Variants in TYW1 observed in about 807,000 individuals in gnomAD.
The protein encoded by TYW1 is S-adenosyl-L-methionine-dependent tRNA 4-demethylwyosine synthase TYW1.
TYW1 carries 46 observed loss-of-function variants against 96.2 expected under a neutral mutation model. The ratio of observed to expected loss-of-function variants is 0.48; its 90% CI spans 0.38 to 0.61. The LOEUF (loss-of-function observed/expected upper bound fraction) is 0.61, where lower values mean the gene tolerates loss of function less well. Ranked by LOEUF, TYW1 falls within the 20% of genes least tolerant of loss-of-function variation. The pLI is 0.00. For synonymous variants in TYW1, 274 were observed against 323.0 expected, an observed-to-expected ratio of 0.85 and a Z score of 1.63; for missense variants, 684 against 909.6, an observed-to-expected ratio of 0.75 and a Z score of 3.19.
chr7:67,149,429 A>G (rs1169400015), intron 13 of TYW1, among the ~76,000 whole-genome samples: 2 of 152,242 alleles, frequency 1.3e-5, no homozygotes, highest in East Asian at 3.8e-4. Flanking sequence ...AGAAACTCAT[A>G]TACATGGCAA....
intron 3 of TYW1, among the ~76,000 whole-genome samples, chr7:67,004,772 T>C (rs1793512249): frequency 1.3e-5 from 2 of 152,214 alleles, no homozygotes; most frequent in South Asian, 4.1e-4. Flanking sequence ...GTTTTCTTTT[T>C]TGAGACAGAG....
intron 15 of TYW1, among the ~76,000 whole-genome samples, chr7:67,235,741 A>C (rs538900661): frequency 6.6e-6 from 1 of 152,148 alleles, no homozygotes; most frequent in South Asian, 2.1e-4. Flanking sequence ...AATACAAAAA[A>C]AAATTAGCCA....
intron 10 of TYW1, among the ~76,000 whole-genome samples, chr7:67,078,330 T>C (rs879792808): frequency 1.3e-5 from 2 of 151,920 alleles, no homozygotes; most frequent in Non-Finnish European, 2.9e-5. Flanking sequence ...CTCCTGACTT[T>C]GTGATCCTCC....
intron 10 of TYW1, among the ~76,000 whole-genome samples, chr7:67,067,799 T>A (rs1004330306): frequency 6.6e-6 from 1 of 152,152 alleles, no homozygotes; most frequent in Non-Finnish European, 1.5e-5. Context: ...TATGCTAAGG[T>A]GTCAGCTTGG....
chr7:67,163,588 G>A (rs1371936776), intron 13 of TYW1, among the ~76,000 whole-genome samples: 1 of 151,992 alleles, frequency 6.6e-6, no homozygotes, highest in African/African-American at 2.4e-5. Context: ...CAGTTGATGT[G>A]CATGATCTTC....
Position 66,998,891 on chromosome 7 carries a change from A to G in TYW1, c.210A>G (p.Gln70=). Residue 70 remains glutamine (Q), a synonymous_variant, in exon 3 of 16, where the codon CAA becomes CAG. Transcript: ENST00000359626. ...TGACAAATGGTTATGTCTCCCTTCA[A>G]GAGAAAGACATCTTTGTGTCTGGAG... The part of the protein sequence containing the change: ...DLMTNGYVSL[Q]EKDIFVSGVK... The G allele has an allele frequency of 1.2e-6, 2 of 1,614,098 alleles. No homozygotes were observed. Among genetic ancestry groups the G allele is most frequent in the Non-Finnish European group, 8.5e-7 (1 of 1,179,942 alleles).
At chr7:67,100,684 AAAATAC>A (rs1337100309) in intron 12 of TYW1, among the ~76,000 whole-genome samples, 1 of 151,860 alleles carries the variant, frequency 6.6e-6, no homozygotes. Flanking sequence ...GTCTCTACTA[AAAATAC>A]AAATACAAAT....
Position 66,998,745 on chromosome 7 carries a change from T to G in TYW1, c.136-72T>G, listed in dbSNP as rs577921015. ...AAATAAAATGTGTCAGTATCTGTGC[T>G]AATTTTCATCCCTGCTGAAGTTGGG... On this transcript the variant is annotated intron_variant, in intron 2 of 15. Coordinates refer to ENST00000359626, the MANE Select transcript of TYW1 (RefSeq NM_018264.4). The G allele has an allele frequency of 5.2e-6, 8 of 1,548,532 alleles. No homozygotes were observed. The African/African-American group carries it at 9.7e-5, about 19-fold the overall frequency.
intron 13 of TYW1, among the ~76,000 whole-genome samples, chr7:67,169,509 T>G (rs1002963571): frequency 9.2e-5 from 14 of 152,184 alleles, no homozygotes; most frequent in African/African-American, 3.4e-4. Context: ...CAAGTGATTC[T>G]CCTGCCTCAA....
chr7:67,113,788 C>T, intron 12 of TYW1, among the ~76,000 whole-genome samples: 1 of 151,974 alleles, frequency 6.6e-6, no homozygotes, highest in East Asian at 1.9e-4. Flanking sequence ...CAGGCGTGCG[C>T]CACCATGCCT....
At chr7:67,049,374 T>C (rs1161074387) in intron 7 of TYW1, among the ~76,000 whole-genome samples, 1 of 152,128 alleles carries the variant, frequency 6.6e-6, no homozygotes, top group Non-Finnish European at 1.5e-5. Flanking sequence ...AAGTGAATTG[T>C]AGATTTATGG....
intron 7 of TYW1, among the ~76,000 whole-genome samples, chr7:67,032,692 T>G (rs1343784862): frequency 6.6e-6 from 1 of 151,968 alleles, no homozygotes; most frequent in Non-Finnish European, 1.5e-5. Context: ...GTGCTCACTC[T>G]CCTAGTCATG....
At chr7:67,154,033 T>C (rs2116182179) in intron 13 of TYW1, among the ~76,000 whole-genome samples, 1 of 150,236 alleles carries the variant, frequency 6.7e-6, no homozygotes, top group South Asian at 2.1e-4. Context: ...GTTCACACCA[T>C]TCTCAGCCTC....
chr7:67,123,672 G>A (rs1797828453), intron 13 of TYW1, among the ~76,000 whole-genome samples: 1 of 152,170 alleles, frequency 6.6e-6, no homozygotes, highest in South Asian at 2.1e-4. Flanking sequence ...GACCCAAGAA[G>A]TGCCTAAAGA....
chr7:67,010,072 T>C (rs1269913533), intron 4 of TYW1, among the ~76,000 whole-genome samples: 1 of 151,586 alleles, frequency 6.6e-6, no homozygotes, highest in Non-Finnish European at 1.5e-5. Context: ...AATGTCCGTC[T>C]CCAGGTTCAA....
rs139913871 is a variant in TYW1 at position 67,202,890 on chromosome 7, C to T, written c.1977+7553C>T. On this transcript the variant is annotated intron_variant, in intron 15 of 15. Coordinates refer to ENST00000359626, the MANE Select transcript of TYW1 (RefSeq NM_018264.4). ...ATGGTACAGAAAGGTCTCAGGTACCCTTCATGTAGTTTTCCCCAGTGATAA... is the reference window on the plus strand; with the variant it reads ...ATGGTACAGAAAGGTCTCAGGTACCTTTCATGTAGTTTTCCCCAGTGATAA... Among the ~76,000 whole-genome samples, 328 of 152,264 alleles carry T rather than the reference C, an allele frequency of 2.2e-3. 1 individual carries two copies. The highest frequency in any genetic ancestry group is 7.1e-3 in the African/African-American group (297 of 41,554).
Position 67,238,411 on chromosome 7 carries a change from A to G in TYW1, c.2081A>G (p.Lys694Arg), listed in dbSNP as rs1377687820. The change falls in exon 16 of 16, where the codon AAG becomes AGG. Residue 694 changes from lysine to arginine, a missense_variant. Coordinates refer to ENST00000359626, the MANE Select transcript of TYW1 (RefSeq NM_018264.4). ...GGTGGATCAAAAACGTTCAGCGCAA[A>G]GGATTATATGGCCAGAACTCCTCAC... ...DSGGSKTFSA[K>R]DYMARTPHWA... The G allele has an allele frequency of 1.9e-6, 3 of 1,613,912 alleles. No homozygotes were observed. Among genetic ancestry groups the G allele is most frequent in the Non-Finnish European group, 2.5e-6 (3 of 1,179,876 alleles).
chr7:67,044,625 TTC>T (rs2129258337), intron 7 of TYW1, among the ~76,000 whole-genome samples: 1 of 152,246 alleles, frequency 6.6e-6, no homozygotes, highest in East Asian at 1.9e-4. Context: ...GTAGCCAATC[TTC>T]TCTTTTTCTT....
At chr7:67,068,040 A>C (rs924740667) in intron 10 of TYW1, among the ~76,000 whole-genome samples, 5 of 126,604 alleles carry the variant, frequency 3.9e-5, no homozygotes, top group African/African-American at 1.5e-4. Context: ...TTTTTTTTTG[A>C]GATGGAGTTT....
Sources: gnomAD v4.1 joint callset for allele counts (sites outside exome capture counted in the v4.1 genomes callset) on GRCh38, gnomAD v4.1.1 for gene constraint, MANE v1.5 for transcripts, NCBI Gene and HGNC (gene_info 2026-07-23, HGNC 2026-07-21) for gene names.